Variants in PDIA5 observed in about 807,000 individuals in gnomAD.
PDIA5 encodes protein disulfide isomerase family A member 5, also known as protein disulfide-isomerase A5.
A neutral mutation model predicts 77.6 loss-of-function variants in PDIA5; 58 were observed. The ratio of observed to expected loss-of-function variants is 0.75; its 90% confidence interval spans 0.61 to 0.93. PDIA5 has a LOEUF of 0.93. Ranked by LOEUF, PDIA5 falls within the 40% of genes least tolerant of loss-of-function variation. PDIA5 has a pLI of 0.00. For synonymous variants in PDIA5, 250 were observed against 252.1 expected, an observed-to-expected ratio of 0.99 and a Z score of 0.08; for missense variants, 630 against 647.7, an observed-to-expected ratio of 0.97 and a Z score of 0.30.
At chr3:123,161,726 C>A in intron 16 of PDIA5, 154 bp from the exon 17 acceptor site, 1 of 683,190 alleles carries the variant, frequency 1.5e-6, no homozygotes, top group Non-Finnish European at 2.6e-6. Flanking sequence ...CTGGTGCAAG[C>A]CACGCAGACC....
intron 7 of PDIA5, among the ~76,000 whole-genome samples, chr3:123,114,745 G>A (rs1934953127): frequency 6.6e-6 from 1 of 152,248 alleles, no homozygotes; most frequent in South Asian, 2.1e-4. Context: ...TTCGCACTGA[G>A]GTGGCAGGTC....
At chr3:123,093,998 T>A (rs1327043843) in intron 3 of PDIA5, among the ~76,000 whole-genome samples, 2 of 152,034 alleles carry the variant, frequency 1.3e-5, no homozygotes, top group African/African-American at 4.8e-5. Context: ...CTGAGTGAAA[T>A]GGGGTCAGGA....
At chr3:123,140,523 T>C (rs771949493) in intron 11 of PDIA5, among the ~76,000 whole-genome samples, 6 of 152,142 alleles carry the variant, frequency 3.9e-5, no homozygotes, top group Non-Finnish European at 7.4e-5. Flanking sequence ...GGGGCTACAG[T>C]GAACTGGGAA....
chr3:123,128,210 C>G (rs1405722365), intron 10 of PDIA5, among the ~76,000 whole-genome samples: 1 of 152,260 alleles, frequency 6.6e-6, no homozygotes, highest in East Asian at 1.9e-4. Context: ...GAGTGGGCCC[C>G]TGGGCCCTTC....
chr3:123,118,417 G>C (rs1056609644), intron 8 of PDIA5, among the ~76,000 whole-genome samples: 1 of 152,176 alleles, frequency 6.6e-6, no homozygotes, highest in African/African-American at 2.4e-5. Context: ...ATTCTGTGCT[G>C]TGGAAGGTAA....
rs752399024 is a variant in PDIA5 at position 123,161,324 on chromosome 3, G to A, written c.1348G>A (p.Ala450Thr). 2.2e-5 allele frequency: 35 copies of A among 1,613,694 alleles called. No individual in the cohort carries two copies. In the South Asian group the frequency reaches 3.6e-4, roughly 17 times the overall value. ...ADAFKDDRKI[A>T]CAAVDCVKDK... Reference sequence around the variant, plus strand: ...CTCTCTTTACCTTGGCTCCTAGATTGCCTGTGCCGCTGTTGACTGTGTCAA... The same window carrying A: ...CTCTCTTTACCTTGGCTCCTAGATTACCTGTGCCGCTGTTGACTGTGTCAA... Residue 450 changes from alanine to threonine, a missense_variant, in exon 16 of 17, where the codon GCC becomes ACC. By Grantham distance (58) the Ala-to-Thr change is moderately conservative. Transcript: ENST00000316218.
chr3:123,124,057 T>C lies in PDIA5; in HGVS notation c.610-9T>C. ...AGGCTCCACACGGCTCTTCTCCGCT[T>C]CCTCCCAGGTGCTGGCCGGGATGAA... is the stretch of plus-strand genomic sequence containing the variant. On this transcript the variant is annotated splice_polypyrimidine_tract_variant and intron_variant, in intron 8 of 16. Coordinates refer to ENST00000316218, the MANE Select transcript of PDIA5 (RefSeq NM_006810.4). The C allele has an allele frequency of 6.2e-7, 1 of 1,605,636 alleles. No individual in the cohort carries two copies. Among genetic ancestry groups the C allele is most frequent in the Non-Finnish European group, 8.5e-7 (1 of 1,172,274 alleles).
At chr3:123,082,825 G>A (rs75500156) in intron 1 of PDIA5, among the ~76,000 whole-genome samples, 3,294 of 152,234 alleles carry the variant, frequency 0.022, 120 homozygotes, top group African/African-American at 0.075. Context: ...CACCTTGTAG[G>A]TGGGGAGTTG....
chr3:123,129,534 C>T (rs1015371663), intron 10 of PDIA5, among the ~76,000 whole-genome samples: 2 of 152,202 alleles, frequency 1.3e-5, no homozygotes, highest in Non-Finnish European at 1.5e-5. Flanking sequence ...CTCAAAAGTG[C>T]GACACAATGG....
Position 123,155,018 on chromosome 3 carries a change from G to T in PDIA5, c.1321G>T (p.Asp441Tyr). The T allele has an allele frequency of 1.9e-6, 3 of 1,612,252 alleles. No individual in the cohort carries two copies. Among genetic ancestry groups the T allele is most frequent in the Non-Finnish European group, 2.5e-6 (3 of 1,178,286 alleles). The change falls in exon 15 of 17, where the codon GAT (aspartate) becomes TAT (tyrosine). Residue 441 changes from aspartate (D) to tyrosine (Y), a missense_variant. By Grantham distance (160) the Asp-to-Tyr change is radical. Transcript: ENST00000316218. Reference sequence around the variant, plus strand: ...CATTCCGCACTTTACTGCTACTGCTGATGCCTTCAAAGATGACCGAAAGGT... The same window carrying T: ...CATTCCGCACTTTACTGCTACTGCTTATGCCTTCAAAGATGACCGAAAGGT... ...KVIPHFTATADAFKDDRKIAC... is the reference protein window; with the variant it reads ...KVIPHFTATAYAFKDDRKIAC...
chr3:123,076,817 G>A (rs996481573), intron 1 of PDIA5, among the ~76,000 whole-genome samples: 2 of 152,134 alleles, frequency 1.3e-5, no homozygotes, highest in African/African-American at 4.8e-5. Context: ...GACCCCTCTT[G>A]GCTCAAGAAG....
chr3:123,111,057 G>A, intron 7 of PDIA5, 53 bp downstream of exon 7: 2 of 1,423,068 alleles, frequency 1.4e-6, no homozygotes, highest in Admixed American at 1.7e-5. Context: ...CTCTTTGTGG[G>A]TGGGAGGCAG....
At chr3:123,137,045 T>C (rs971731545) in intron 11 of PDIA5, among the ~76,000 whole-genome samples, 1 of 152,224 alleles carries the variant, frequency 6.6e-6, no homozygotes, top group African/African-American at 2.4e-5. Flanking sequence ...TGGGAAAATG[T>C]GTAAATATTT....
At chr3:123,079,293 GCCTCAGCTT>G (rs779592221) in intron 1 of PDIA5, among the ~76,000 whole-genome samples, 1 of 144,956 alleles carries the variant, frequency 6.9e-6, no homozygotes, top group Non-Finnish European at 1.5e-5. Flanking sequence ...CCATTCTCCT[GCCTCAGCTT>G]CCTGAGTAGC....
chr3:123,145,172 A>C (rs1340125173), intron 11 of PDIA5: 1 of 221,332 alleles, frequency 4.5e-6, no homozygotes, highest in Non-Finnish European at 8.8e-6. Flanking sequence ...GGCCTTGGGC[A>C]GTCACCTGCC....
chr3:123,150,739 A>G (rs2107986947), intron 14 of PDIA5, among the ~76,000 whole-genome samples: 1 of 139,866 alleles, frequency 7.1e-6, no homozygotes, highest in South Asian at 2.2e-4. Flanking sequence ...ACTTATCTTC[A>G]GCACCTTGGA....
At chr3:123,128,648 C>T (rs914542578) in intron 10 of PDIA5, among the ~76,000 whole-genome samples, 15 of 152,156 alleles carry the variant, frequency 9.9e-5, no homozygotes, top group African/African-American at 3.6e-4. Context: ...GCTGGGACTA[C>T]AGGCACAGGC....
At chr3:123,073,034 T>C (rs1167812391) in intron 1 of PDIA5, among the ~76,000 whole-genome samples, 1 of 152,104 alleles carries the variant, frequency 6.6e-6, no homozygotes, top group South Asian at 2.1e-4. Context: ...GGCTGGCCCA[T>C]TCCTTCTGCC....
chr3:123,157,048 G>T (rs1375612216), intron 15 of PDIA5, among the ~76,000 whole-genome samples: 2 of 152,166 alleles, frequency 1.3e-5, no homozygotes, highest in Non-Finnish European at 2.9e-5. Context: ...TGATTGTCTT[G>T]GGCCAGTGGT....
Sources: gnomAD v4.1 joint callset for allele counts (sites outside exome capture counted in the v4.1 genomes callset) on GRCh38, gnomAD v4.1.1 for gene constraint, MANE v1.5 for transcripts, NCBI Gene and HGNC (gene_info 2026-07-23, HGNC 2026-07-21) for gene names.